Variants in EYS observed in about 807,000 individuals in gnomAD.
EYS encodes EGF-like photoreceptor maintenance factor, also known as protein eyes shut homolog.
EYS carries 250 observed loss-of-function variants against 282.1 expected under a neutral mutation model. That is an observed-to-expected ratio of 0.89 (90% CI 0.80 to 0.98). The LOEUF (loss-of-function observed/expected upper bound fraction) is 0.98. Ranked by LOEUF, EYS falls within the 50% of genes least tolerant of loss-of-function variation. EYS has a pLI of 0.00. For synonymous variants in EYS, 1,355 were observed against 1,282.9 expected, an observed-to-expected ratio of 1.06 and a Z score of -1.20; for missense variants, 4,016 against 3,709.0, an observed-to-expected ratio of 1.08 and a Z score of -2.15.
intron 29 of EYS, among the ~76,000 whole-genome samples, chr6:64,363,051 C>T (rs1772069396): frequency 6.7e-6 from 1 of 148,406 alleles, no homozygotes; most frequent in Non-Finnish European, 1.5e-5. Context: ...CAGCCTTGGT[C>T]TCCCAGGCTC....
intron 22 of EYS, among the ~76,000 whole-genome samples, chr6:64,730,566 C>T (rs1166090584): frequency 1.3e-5 from 2 of 152,140 alleles, no homozygotes; most frequent in Non-Finnish European, 2.9e-5. Context: ...GCAACCTCAG[C>T]CTCCCAGGTT....
At chr6:64,211,554 C>G (rs1765765142) in intron 31 of EYS, among the ~76,000 whole-genome samples, 1 of 147,738 alleles carries the variant, frequency 6.8e-6, no homozygotes, top group African/African-American at 2.5e-5. Flanking sequence ...CTAAATTAAT[C>G]TAATTCATAT....
intron 26 of EYS, among the ~76,000 whole-genome samples, chr6:64,573,925 G>T (rs1482510989): frequency 6.6e-6 from 1 of 151,830 alleles, no homozygotes; most frequent in African/African-American, 2.4e-5. Context: ...TCCATTACTG[G>T]TTATATACTC....
chr6:65,324,882 T>G (rs1298018693), intron 11 of EYS, among the ~76,000 whole-genome samples: 1 of 152,232 alleles, frequency 6.6e-6, no homozygotes, highest in Non-Finnish European at 1.5e-5. Context: ...GAGAGATTTT[T>G]GAAAGAGCTA....
At chr6:64,898,577 G>T (rs1000925399) in intron 18 of EYS, among the ~76,000 whole-genome samples, 1 of 151,882 alleles carries the variant, frequency 6.6e-6, no homozygotes, top group Non-Finnish European at 1.5e-5. Flanking sequence ...GCATCATAAT[G>T]ACAGGATCAA....
intron 7 of EYS, among the ~76,000 whole-genome samples, chr6:65,394,787 T>G (rs550847978): frequency 6.6e-6 from 1 of 152,296 alleles, no homozygotes; most frequent in Admixed American, 6.5e-5. Context: ...ATCTCTTTCC[T>G]TTGACTGTAA....
At chr6:64,018,505 C>T (rs114919951) in intron 33 of EYS, among the ~76,000 whole-genome samples, 1,661 of 152,060 alleles carry the variant, frequency 0.011, 10 homozygotes, top group Non-Finnish European at 0.017. Context: ...ATTATACAGC[C>T]GAATAGCAAA....
intron 31 of EYS, among the ~76,000 whole-genome samples, chr6:64,094,377 T>C (rs1562197496): frequency 6.6e-6 from 1 of 152,168 alleles, no homozygotes; most frequent in Non-Finnish European, 1.5e-5. Flanking sequence ...TGTGAATCCA[T>C]CTGGTCCTGG....
At chr6:64,217,412 C>G (rs1765965456) in intron 31 of EYS, among the ~76,000 whole-genome samples, 2 of 151,982 alleles carry the variant, frequency 1.3e-5, no homozygotes, top group Admixed American at 6.6e-5. Flanking sequence ...TCCTGTAATC[C>G]CAGCTACTTG....
chr6:65,238,845 C>T (rs954439207), intron 12 of EYS, among the ~76,000 whole-genome samples: 1 of 139,518 alleles, frequency 7.2e-6, no homozygotes, highest in Non-Finnish European at 1.5e-5. Flanking sequence ...AAATAAAACA[C>T]CCAAATTTTG....
intron 19 of EYS, among the ~76,000 whole-genome samples, chr6:64,838,617 T>TACACACACACACACACAC (rs56901295): frequency 6.7e-6 from 1 of 149,608 alleles, no homozygotes. Flanking sequence ...TCTGTTTCTC[T>TACACACACACACACACAC]ACACACACAC....
chr6:64,043,482 CTTTTG>C (rs1205293874), intron 33 of EYS, among the ~76,000 whole-genome samples: 7 of 152,236 alleles, frequency 4.6e-5, no homozygotes, highest in Admixed American at 6.5e-5. Context: ...CCCACCATTA[CTTTTG>C]TGCCATCACA....
Position 65,503,848 on chromosome 6 carries a change from T to C in EYS, c.-332-7855A>G, listed in dbSNP as rs76353501. 4.8e-3 allele frequency among the ~76,000 whole-genome samples: 724 copies of C among 151,824 alleles called. 6 individuals are homozygous for C. The highest frequency in any genetic ancestry group is 0.012 in the South Asian group (57 of 4,830). On this transcript the variant is annotated intron_variant, in intron 2 of 42. Transcript: ENST00000503581. ...TTCTTTTGTCAATACCAGGCTACCT[T>C]GATTATTGTTGCTTAATGGTTAAGT...
intron 7 of EYS, among the ~76,000 whole-genome samples, chr6:65,398,829 C>A (rs888298628): frequency 3.3e-5 from 5 of 152,060 alleles, no homozygotes; most frequent in African/African-American, 1.2e-4. Context: ...TACACTCCTG[C>A]CAACCAGGCC....
chr6:64,717,608 C>T (rs373967593), intron 22 of EYS, among the ~76,000 whole-genome samples: 2 of 152,180 alleles, frequency 1.3e-5, no homozygotes, highest in Non-Finnish European at 2.9e-5. Flanking sequence ...TAACAGGCCA[C>T]GAACTGGTAC....
chr6:64,617,561 T>G (rs1767313424), intron 23 of EYS, 28 bp from the exon 24 acceptor site: 3 of 1,300,530 alleles, frequency 2.3e-6, no homozygotes, highest in South Asian at 1.3e-5. Flanking sequence ...AAAGCAGATA[T>G]GCAATTTTTA....
In EYS at chr6:65,284,027, A is replaced by C. The variant is rs541597826; in HGVS notation, c.2023+11836T>G. ...GAATGTTATATACGTTTTCCATCAAAGCGATGCACCAGTACTCCTGGAAGA... is the reference window on the plus strand; with the variant it reads ...GAATGTTATATACGTTTTCCATCAACGCGATGCACCAGTACTCCTGGAAGA... On this transcript the variant is annotated intron_variant, in intron 12 of 42. Coordinates refer to ENST00000503581, the MANE Select transcript of EYS (RefSeq NM_001142800.2). Among the ~76,000 whole-genome samples the C allele has an allele frequency of 1.9e-3, 291 of 152,228 alleles. 3 individuals are homozygous for C. The highest frequency in any genetic ancestry group is 3.0e-3 in the Admixed American group (45 of 15,254).
chr6:64,350,218 T>C (rs952550035), intron 29 of EYS, among the ~76,000 whole-genome samples: 4 of 151,552 alleles, frequency 2.6e-5, no homozygotes, highest in African/African-American at 9.7e-5. Context: ...ATCTATAATG[T>C]TGGAATATAG....
At chr6:64,410,401 T>A (rs1454579778) in intron 28 of EYS, among the ~76,000 whole-genome samples, 2 of 152,178 alleles carry the variant, frequency 1.3e-5, no homozygotes, top group African/African-American at 4.8e-5. Context: ...CGCATTGCTA[T>A]CTTGTCACTA....
Sources: gnomAD v4.1 joint callset for allele counts (sites outside exome capture counted in the v4.1 genomes callset) on GRCh38, gnomAD v4.1.1 for gene constraint, MANE v1.5 for transcripts, NCBI Gene and HGNC (gene_info 2026-07-23, HGNC 2026-07-21) for gene names.